The following CTNNA2 variants were observed in gnomAD, a reference collection of about 807,000 sequenced individuals.
CTNNA2 encodes catenin alpha 2.
A neutral mutation model predicts 101.0 loss-of-function variants in CTNNA2; 42 were observed. That is an observed-to-expected ratio of 0.42 (90% CI 0.32 to 0.54). The LOEUF is 0.54. Ranked by LOEUF, CTNNA2 falls within the 20% of genes least tolerant of loss-of-function variation. CTNNA2 has a pLI of 0.14. For synonymous variants in CTNNA2, 450 were observed against 456.4 expected (o/e 0.99, Z 0.18); for missense variants, 871 against 1,223.1 (o/e 0.71, Z 4.29).
At chr2:80,091,354 T>C (rs1699778422) in intron 7 of CTNNA2, among the ~76,000 whole-genome samples, 1 of 152,108 alleles carries the variant, frequency 6.6e-6, no homozygotes, top group African/African-American at 2.4e-5. Flanking sequence ...CAGGCTGTTA[T>C]GAAAAGACAT....
chr2:79,984,294 T>G (rs1393665579), intron 7 of CTNNA2, among the ~76,000 whole-genome samples: 1 of 152,112 alleles, frequency 6.6e-6, no homozygotes, highest in African/African-American at 2.4e-5. Context: ...TTCCCCACTG[T>G]CTCCACATTG....
At chr2:80,480,725 G>A (rs1006811716) in intron 9 of CTNNA2, among the ~76,000 whole-genome samples, 4 of 152,026 alleles carry the variant, frequency 2.6e-5, no homozygotes, top group Admixed American at 2.6e-4. Flanking sequence ...CCCTTTGCAA[G>A]CTTTTACGCT....
rs142008164 is a variant in CTNNA2 at position 79,303,727 on chromosome 2, G to A, written c.-405-8982G>A. Among the ~76,000 whole-genome samples the A allele has an allele frequency of 4.0e-3, 612 of 152,112 alleles. 7 individuals are homozygous for A. Among genetic ancestry groups the A allele is most frequent in the Middle Eastern group, 0.027 (8 of 294 alleles). On this transcript the variant is annotated intron_variant, in intron 2 of 21. Coordinates refer to the CTNNA2 transcript ENST00000466387. Reference sequence around the variant, plus strand: ...GAGGAGACCACACAACAAAACACATGAAATTACAGAAGCAATTTTATTACT... The same window carrying A: ...GAGGAGACCACACAACAAAACACATAAAATTACAGAAGCAATTTTATTACT...
At chr2:79,642,863 T>A (rs1461778207) in intron 1 of CTNNA2, among the ~76,000 whole-genome samples, 1 of 151,510 alleles carries the variant, frequency 6.6e-6, no homozygotes, top group Non-Finnish European at 1.5e-5. Flanking sequence ...TAGCCCCTCT[T>A]ACAATAGGGT....
intron 2 of CTNNA2, among the ~76,000 whole-genome samples, chr2:79,712,233 C>T (rs1445269633): frequency 6.6e-6 from 1 of 152,180 alleles, no homozygotes; most frequent in African/African-American, 2.4e-5. Flanking sequence ...AAATATCACA[C>T]TGTTTGGAGA....
chr2:79,637,253 A>C (rs1680137077), intron 1 of CTNNA2, among the ~76,000 whole-genome samples: 1 of 152,186 alleles, frequency 6.6e-6, no homozygotes, highest in South Asian at 2.1e-4. Context: ...AAGAGCCAGA[A>C]AAGGGGTGAA....
chr2:80,316,178 G>A lies in CTNNA2; in HGVS notation c.1057-77033G>A, dbSNP rs77840239. ...ACAGGTTTATACAGTAAAACAGGTTGCTTCACAGCGTGAATAGCTAGAGAG... is the reference window on the plus strand; with the variant it reads ...ACAGGTTTATACAGTAAAACAGGTTACTTCACAGCGTGAATAGCTAGAGAG... On this transcript the variant is annotated intron_variant, in intron 7 of 18. Transcript: ENST00000402739. 3.1e-3 allele frequency among the ~76,000 whole-genome samples: 477 copies of A among 152,168 alleles called. 11 individuals are homozygous for A. Among genetic ancestry groups the A allele is most frequent in the Admixed American group, 0.026 (401 of 15,278 alleles).
chr2:80,148,683 A>C (rs1703502617), intron 7 of CTNNA2, among the ~76,000 whole-genome samples: 1 of 152,206 alleles, frequency 6.6e-6, no homozygotes, highest in Non-Finnish European at 1.5e-5. Context: ...AGGCTTTGAA[A>C]GTTTATGAAC....
intron 7 of CTNNA2, among the ~76,000 whole-genome samples, chr2:80,329,825 C>T (rs1280991614): frequency 1.3e-5 from 2 of 152,160 alleles, no homozygotes; most frequent in African/African-American, 2.4e-5. Flanking sequence ...CCACAAGCTT[C>T]GGTTTTGTAT....
chr2:79,869,532 G>A (rs1338937739), intron 4 of CTNNA2, among the ~76,000 whole-genome samples: 2 of 151,976 alleles, frequency 1.3e-5, no homozygotes, highest in African/African-American at 4.8e-5. Flanking sequence ...CTTAAAGGTC[G>A]ATATCTTTCC....
intron 18 of CTNNA2, among the ~76,000 whole-genome samples, chr2:80,627,448 T>C (rs1184877154): frequency 1.3e-5 from 2 of 152,210 alleles, no homozygotes; most frequent in East Asian, 3.9e-4. Flanking sequence ...GGCTTTGATT[T>C]GCATTTCTCT....
intron 3 of CTNNA2, among the ~76,000 whole-genome samples, chr2:79,753,867 C>CTT (rs1170637332): frequency 0.023 from 3,059 of 134,732 alleles, 146 homozygotes; most frequent in African/African-American, 0.08. Flanking sequence ...CTTTTTCTCT[C>CTT]TTTTTTTTTT....
chr2:80,306,884 T>C (rs1364972360), intron 7 of CTNNA2, among the ~76,000 whole-genome samples: 1 of 151,974 alleles, frequency 6.6e-6, no homozygotes. Flanking sequence ...ACTTTGGATG[T>C]CACTTGATTT....
intron 7 of CTNNA2, among the ~76,000 whole-genome samples, chr2:80,042,282 G>C (rs1696115806): frequency 6.6e-6 from 1 of 151,988 alleles, no homozygotes; most frequent in South Asian, 2.1e-4. Flanking sequence ...TTTTTGTTTT[G>C]TTTTGTTCTG....
rs187891045 is a variant in CTNNA2 at position 79,280,981 on chromosome 2, A to G, written c.-405-31728A>G. ...TCCCCTGCAGGATCAGGCTGAAGCT[A>G]TATTCAGCATAACTTTTCCTGAGTT... On this transcript the variant is annotated intron_variant, in intron 2 of 21. Transcript: ENST00000466387. 4.4e-4 allele frequency among the ~76,000 whole-genome samples: 67 copies of G among 152,146 alleles called. 1 individual carries two copies. Among genetic ancestry groups the G allele is most frequent in the Admixed American group, 3.9e-3 (60 of 15,268 alleles).
At chr2:80,444,289 A>G (rs997235550) in intron 9 of CTNNA2, among the ~76,000 whole-genome samples, 1 of 152,226 alleles carries the variant, frequency 6.6e-6, no homozygotes, top group Non-Finnish European at 1.5e-5. Flanking sequence ...AAGAACCAGT[A>G]GAATTTGTTT....
At chr2:79,511,574 T>G (rs1671542229), upstream of CTNNA2, among the ~76,000 whole-genome samples, 1 of 152,138 alleles carries the variant, frequency 6.6e-6, no homozygotes, top group African/African-American at 2.4e-5. Context: ...TAAGCCAATA[T>G]CCGGTGACTC....
chr2:80,325,647 T>A (rs1679171366), intron 7 of CTNNA2, among the ~76,000 whole-genome samples: 1 of 152,210 alleles, frequency 6.6e-6, no homozygotes, highest in Admixed American at 6.5e-5. Context: ...TTCCCTTCAC[T>A]GGCAAAGAAG....
intron 1 of CTNNA2, among the ~76,000 whole-genome samples, chr2:79,562,783 A>G (rs1674859571): frequency 6.6e-6 from 1 of 152,066 alleles, no homozygotes; most frequent in Non-Finnish European, 1.5e-5. Context: ...ACAGCATGAT[A>G]TCACTTTACT....
Sources: allele counts gnomAD v4.1 joint callset (sites outside exome capture counted in the v4.1 genomes callset), GRCh38; gene constraint gnomAD v4.1.1; transcripts MANE v1.5; gene names NCBI Gene and HGNC (gene_info 2026-07-23, HGNC 2026-07-21).